Variants in NPAS3 observed in about 807,000 individuals in gnomAD.
The protein encoded by NPAS3 is neuronal PAS domain protein 3, also known as neuronal PAS domain-containing protein 3.
NPAS3 carries 14 observed loss-of-function variants against 73.1 expected under a neutral mutation model. The ratio of observed to expected loss-of-function variants is 0.19; its 90% CI spans 0.13 to 0.30. The LOEUF (loss-of-function observed/expected upper bound fraction) is 0.30. Among genes scored for constraint, NPAS3 ranks in the 10% least tolerant of loss-of-function variants. The pLI is 1.00. For missense variants in NPAS3, 1,096 were observed against 1,250.0 expected (o/e 0.88, Z 1.86); for synonymous variants, 620 against 541.5 (o/e 1.14, Z -2.01).
intron 5 of NPAS3, among the ~76,000 whole-genome samples, chr14:33,646,279 T>C (rs984840192): frequency 6.6e-6 from 1 of 152,222 alleles, no homozygotes; most frequent in Non-Finnish European, 1.5e-5. Context: ...TGATATCATA[T>C]GTACAAAGGA....
intron 2 of NPAS3, among the ~76,000 whole-genome samples, chr14:33,170,743 T>G (rs946359791): frequency 6.6e-6 from 1 of 152,134 alleles, no homozygotes; most frequent in Non-Finnish European, 1.5e-5. Flanking sequence ...AGTGTGATCG[T>G]GAGATTACAG....
intron 4 of NPAS3, among the ~76,000 whole-genome samples, chr14:33,443,089 C>G (rs983468840): frequency 1.3e-5 from 2 of 152,104 alleles, no homozygotes; most frequent in African/African-American, 4.8e-5. Context: ...ACAGATTGAC[C>G]AGCTTCCCTC....
At chr14:32,987,428 A>G (rs993772716) in intron 1 of NPAS3, among the ~76,000 whole-genome samples, 1 of 152,146 alleles carries the variant, frequency 6.6e-6, no homozygotes, top group Non-Finnish European at 1.5e-5. Context: ...TGCTTGAAAA[A>G]AATGTTACAT....
chr14:33,384,256 C>A (rs748656173), intron 4 of NPAS3, among the ~76,000 whole-genome samples: 7 of 151,870 alleles, frequency 4.6e-5, no homozygotes, highest in African/African-American at 1.5e-4. Flanking sequence ...AGAAATAAAA[C>A]CCTGAGATTT....
intron 4 of NPAS3, among the ~76,000 whole-genome samples, chr14:33,412,952 T>G (rs1164425515): frequency 6.6e-6 from 1 of 152,232 alleles, no homozygotes; most frequent in African/African-American, 2.4e-5. Flanking sequence ...TTTAGTGCTG[T>G]GTAATTATTA....
intron 3 of NPAS3, among the ~76,000 whole-genome samples, chr14:33,303,544 T>C (rs1306099352): frequency 2.6e-5 from 4 of 152,198 alleles, no homozygotes; most frequent in Non-Finnish European, 5.9e-5. Context: ...TTCTAGGTTA[T>C]TTTCTGGATT....
chr14:33,213,238 C>CA (rs57553703), intron 2 of NPAS3, among the ~76,000 whole-genome samples: 150,032 of 151,286 alleles, frequency 0.99, 74,395 homozygotes, highest in African/African-American at 1. Context: ...CTTACTGGAC[C>CA]AAAAAAAAAT....
At chr14:33,683,613 C>T (rs1422446931) in intron 6 of NPAS3, among the ~76,000 whole-genome samples, 1 of 152,142 alleles carries the variant, frequency 6.6e-6, no homozygotes, top group South Asian at 2.1e-4. Flanking sequence ...CTGCACTAAA[C>T]AGCAGACTTA....
At chr14:32,939,305 A>G (rs761765358), upstream of NPAS3, 1 of 737,784 alleles carries the variant, frequency 1.4e-6, no homozygotes, top group South Asian at 1.4e-5. Flanking sequence ...GAGGAAAAAA[A>G]ATAGCAGGAA....
chr14:33,505,592 C>G (rs1034031122), intron 4 of NPAS3, among the ~76,000 whole-genome samples: 5 of 151,898 alleles, frequency 3.3e-5, no homozygotes, highest in Non-Finnish European at 7.4e-5. Flanking sequence ...AAATTACTTA[C>G]CAAAAATTAA....
At chr14:33,321,088 A>C (rs576321765) in intron 3 of NPAS3, among the ~76,000 whole-genome samples, 1 of 152,194 alleles carries the variant, frequency 6.6e-6, no homozygotes, top group South Asian at 2.1e-4. Context: ...GGCTTTGCAC[A>C]CCTCCCCTAG....
intron 5 of NPAS3, among the ~76,000 whole-genome samples, chr14:33,626,655 C>T (rs1400033888): frequency 6.6e-6 from 1 of 152,142 alleles, no homozygotes; most frequent in Non-Finnish European, 1.5e-5. Flanking sequence ...TACTGAACAC[C>T]CACCATGTGA....
chr14:33,509,489 G>A (rs1026280415), intron 4 of NPAS3, among the ~76,000 whole-genome samples: 7 of 152,030 alleles, frequency 4.6e-5, no homozygotes, highest in African/African-American at 1.7e-4. Flanking sequence ...ACTGTCCTCT[G>A]CACCCTTCTC....
chr14:33,056,673 T>C (rs956770087), intron 2 of NPAS3, among the ~76,000 whole-genome samples: 1 of 152,210 alleles, frequency 6.6e-6, no homozygotes, highest in Non-Finnish European at 1.5e-5. Context: ...TAATATATCA[T>C]AGTTGGACTT....
chr14:33,686,468 G>A (rs997440553), intron 6 of NPAS3, among the ~76,000 whole-genome samples: 1 of 152,122 alleles, frequency 6.6e-6, no homozygotes, highest in Non-Finnish European at 1.5e-5. Flanking sequence ...CATATTTTAT[G>A]AGTACCCAAG....
chr14:33,727,505 G>A (rs1455351937), intron 6 of NPAS3, among the ~76,000 whole-genome samples: 2 of 151,932 alleles, frequency 1.3e-5, no homozygotes, highest in Non-Finnish European at 2.9e-5. Context: ...TAGAAAACAT[G>A]GGGTTTCGAG....
chr14:33,460,114 C>T (rs1237918825), intron 4 of NPAS3, among the ~76,000 whole-genome samples: 1 of 152,192 alleles, frequency 6.6e-6, no homozygotes, highest in African/African-American at 2.4e-5. Context: ...TACAAGAGTA[C>T]TCGTACACAT....
chr14:33,016,626 A>AC (rs1444261964), intron 1 of NPAS3, among the ~76,000 whole-genome samples: 1 of 151,724 alleles, frequency 6.6e-6, no homozygotes, highest in African/African-American at 2.4e-5. Context: ...AAAAAAAAAA[A>AC]AAAAAACGAC....
chr14:32,956,192 CATTA>C (rs2036663139), intron 1 of NPAS3, among the ~76,000 whole-genome samples: 2 of 151,976 alleles, frequency 1.3e-5, no homozygotes, highest in Admixed American at 1.3e-4. Flanking sequence ...ATTTGAATTG[CATTA>C]ATTCTGTATT....
Sources: allele counts gnomAD v4.1 joint callset (sites outside exome capture counted in the v4.1 genomes callset), GRCh38; gene constraint gnomAD v4.1.1; transcripts MANE v1.5; gene names NCBI Gene and HGNC (gene_info 2026-07-23, HGNC 2026-07-21).